The following TENM3 variants were observed in gnomAD, a reference collection of about 807,000 sequenced individuals.
The protein encoded by TENM3 is teneurin transmembrane protein 3.
In TENM3, 63 loss-of-function variants were observed where a neutral mutation model predicts 255.1. The ratio of observed to expected loss-of-function variants is 0.25; its 90% CI spans 0.20 to 0.30. The LOEUF (loss-of-function observed/expected upper bound fraction) is 0.30. Ranked by LOEUF, TENM3 falls within the 10% of genes least tolerant of loss-of-function variation. The probability of loss-of-function intolerance (pLI) is 1.00; values close to 1 mark genes in which losing one functional copy is unlikely to be tolerated. For synonymous variants in TENM3, 1,306 were observed against 1,322.3 expected (o/e 0.99, Z 0.27); for missense variants, 2,929 against 3,461.1 (o/e 0.85, Z 3.86).
chr4:182,001,122 C>T, the TENM3 span, among the ~76,000 whole-genome samples: 3 of 151,204 alleles, frequency 2.0e-5, no homozygotes, highest in Non-Finnish European at 4.4e-5. Flanking sequence ...ATTCAAATCC[C>T]TATCTAAAGT....
Position 182,680,693 on chromosome 4 carries a change from C to G in TENM3, c.1790C>G (p.Ser597Cys), listed in dbSNP as rs1410030330. The G allele has an allele frequency of 6.3e-7, 1 of 1,593,360 alleles. No homozygotes were observed. The highest frequency in any genetic ancestry group is 1.1e-5 in the South Asian group (1 of 88,152). ...CGGRGICIMG[S>C]CACNSGYKGE... ...GGTCGTGGGATTTGTATCATGGGCT[C>G]TTGTGCTTGCAACTCAGGATACAAA... The change falls in exon 10 of 28, where the codon TCT (serine) becomes TGT (cysteine). Residue 597 changes from serine (S) to cysteine (C), a missense_variant. Transcript: ENST00000511685.
intron 3 of TENM3, among the ~76,000 whole-genome samples, chr4:182,524,569 A>G (rs1738947344): frequency 6.6e-6 from 1 of 151,658 alleles, no homozygotes; most frequent in African/African-American, 2.4e-5. Flanking sequence ...CTATGTTGCC[A>G]GAGCTGATCT....
At chr4:181,858,786 C>T in the TENM3 span, among the ~76,000 whole-genome samples, 3 of 152,092 alleles carry the variant, frequency 2.0e-5, no homozygotes, top group African/African-American at 7.2e-5. Flanking sequence ...ACATGGGCTG[C>T]TACATTGTAA....
In TENM3 at chr4:182,799,236, A is replaced by T. The variant is rs1766718335; in HGVS notation, c.7345-360A>T. Among the ~76,000 whole-genome samples, 1 of 152,256 alleles carries T rather than the reference A, an allele frequency of 6.6e-6. No individual in the cohort carries two copies. The highest frequency in any genetic ancestry group is 1.5e-5 in the Non-Finnish European group (1 of 68,038). ...TTCTCAGCCTCCTGTGGAGAAAGCT[A>T]CGAGCATGCAGATCCGGATGAGCTG... On this transcript the variant is annotated intron_variant, in intron 27 of 27. Coordinates refer to ENST00000511685, the MANE Select transcript of TENM3 (RefSeq NM_001080477.4). The surrounding 1 kb of genome is among the most constrained non-coding windows in gnomAD (Gnocchi z 4.2).
At chr4:181,569,085 C>T in the TENM3 span, among the ~76,000 whole-genome samples, 1 of 152,182 alleles carries the variant, frequency 6.6e-6, no homozygotes, top group Non-Finnish European at 1.5e-5. Context: ...ATAATCCCAG[C>T]ACTTTGGGAG....
At chr4:182,667,923 G>A (rs138109203) in intron 6 of TENM3, among the ~76,000 whole-genome samples, 4 of 151,962 alleles carry the variant, frequency 2.6e-5, no homozygotes, top group Middle Eastern at 3.4e-3. Context: ...CGTTTTGCAC[G>A]TGTACCCTAG....
At chr4:181,766,090 T>G in the TENM3 span, among the ~76,000 whole-genome samples, 1 of 152,138 alleles carries the variant, frequency 6.6e-6, no homozygotes, top group Non-Finnish European at 1.5e-5. Context: ...CTGAAATTTC[T>G]CTGCATGTTT....
chr4:182,490,055 T>G lies in TENM3; in HGVS notation c.512-110869T>G, dbSNP rs1384145921. 5.3e-5 allele frequency among the ~76,000 whole-genome samples: 8 copies of G among 152,172 alleles called. No individual in the cohort carries two copies. The East Asian group carries it at 1.5e-3, about 29-fold the overall frequency. ...AAGCAGAAACTCTCAGCTGGGAAGA[T>G]TAGGAAGGGCTTTAGTAGAGACACA... On this transcript the variant is annotated intron_variant, in intron 3 of 27. Coordinates refer to ENST00000511685, the MANE Select transcript of TENM3 (RefSeq NM_001080477.4).
At chr4:182,621,793 A>G (rs1266535001) in intron 4 of TENM3, among the ~76,000 whole-genome samples, 2 of 42,880 alleles carry the variant, frequency 4.7e-5, no homozygotes, top group African/African-American at 8.2e-5. Context: ...TTATATATAT[A>G]ATATATAATA....
intron 3 of TENM3, among the ~76,000 whole-genome samples, chr4:182,473,167 T>G (rs533855721): frequency 6.6e-6 from 1 of 152,208 alleles, no homozygotes; most frequent in Non-Finnish European, 1.5e-5. Flanking sequence ...TTCTTGAAAT[T>G]CCTTTATTGT....
At chr4:182,777,496 A>T (rs894257976) in intron 24 of TENM3, among the ~76,000 whole-genome samples, 1 of 133,936 alleles carries the variant, frequency 7.5e-6, no homozygotes, top group Non-Finnish European at 1.6e-5. Context: ...CTCTCTGTCT[A>T]TACATAATGT....
At chr4:182,714,254 A>G (rs1049710459) in intron 13 of TENM3, 21 bp downstream of exon 13, 2 of 1,596,608 alleles carry the variant, frequency 1.3e-6, no homozygotes, top group African/African-American at 2.7e-5. Context: ...CTGAGCATGA[A>G]CACGAGTCTG....
intron 19 of TENM3, among the ~76,000 whole-genome samples, chr4:182,747,959 G>A (rs951162958): frequency 1.3e-5 from 2 of 152,192 alleles, no homozygotes; most frequent in Admixed American, 1.3e-4. Flanking sequence ...TCTAAAGGCT[G>A]TGACACAGTT....
the TENM3 span, among the ~76,000 whole-genome samples, chr4:181,555,348 TAAAA>T: frequency 6.6e-6 from 1 of 152,290 alleles, no homozygotes; most frequent in East Asian, 1.9e-4. Flanking sequence ...TCTTAGCCAC[TAAAA>T]ATTAGTTGCT....
intron 3 of TENM3, among the ~76,000 whole-genome samples, chr4:182,543,710 G>A (rs530262411): frequency 3.3e-5 from 5 of 151,846 alleles, no homozygotes; most frequent in South Asian, 4.2e-4. Flanking sequence ...GTTGATACAT[G>A]CTTTTTTGGT....
chr4:182,702,714 C>T (rs28414244), intron 12 of TENM3, among the ~76,000 whole-genome samples: 118,583 of 151,610 alleles, frequency 0.78, 46,699 homozygotes, highest in East Asian at 0.89. Flanking sequence ...ACCATGTGAG[C>T]GATTTCCAAG....
At chr4:182,229,971 GGT>G (rs1756452943) in intron 1 of TENM3, among the ~76,000 whole-genome samples, 1 of 152,044 alleles carries the variant, frequency 6.6e-6, no homozygotes, top group Non-Finnish European at 1.5e-5. Context: ...TATTCATTGT[GGT>G]TGGTAGTAAT....
intron 1 of TENM3, among the ~76,000 whole-genome samples, chr4:182,212,385 G>A (rs1755107788): frequency 6.6e-6 from 1 of 152,144 alleles, no homozygotes; most frequent in East Asian, 1.9e-4. Context: ...TGCAAATATT[G>A]CACCAACAGG....
chr4:181,875,529 C>A, the TENM3 span, among the ~76,000 whole-genome samples: 1 of 151,730 alleles, frequency 6.6e-6, no homozygotes, highest in Non-Finnish European at 1.5e-5. Flanking sequence ...GAGAAATAAA[C>A]TGCACAACAC....
Sources: gnomAD v4.1 joint callset for allele counts (sites outside exome capture counted in the v4.1 genomes callset) on GRCh38, gnomAD v4.1.1 for gene constraint, Gnocchi (gnomAD v3.1) non-coding constraint, MANE v1.5 for transcripts, NCBI Gene and HGNC (gene_info 2026-07-23, HGNC 2026-07-21) for gene names.